Variants in XRRA1 observed in about 807,000 individuals in gnomAD.
XRRA1 encodes the protein X-ray radiation resistance-associated protein 1.
XRRA1 carries 69 observed loss-of-function variants against 80.2 expected under a neutral mutation model. The ratio of observed to expected loss-of-function variants is 0.86; its 90% CI spans 0.71 to 1.05. The LOEUF (loss-of-function observed/expected upper bound fraction) is 1.05. Among genes scored for constraint, XRRA1 ranks in the 50% least tolerant of loss-of-function variants. The pLI, the probability that XRRA1 is intolerant of heterozygous loss-of-function variation, is 0.00. For synonymous variants in XRRA1, 348 were observed against 389.9 expected (o/e 0.89, Z 1.27); for missense variants, 967 against 976.4 (o/e 0.99, Z 0.13).
intron 8 of XRRA1, among the ~76,000 whole-genome samples, chr11:74,916,028 G>A (rs1938555701): frequency 6.6e-6 from 1 of 152,064 alleles, no homozygotes; most frequent in African/African-American, 2.4e-5. Context: ...TTTCTGACAA[G>A]AAGTCTGCTG....
intron 8 of XRRA1, chr11:74,913,641 C>T (rs1042774520): frequency 6.6e-6 from 1 of 152,128 alleles, no homozygotes; most frequent in Admixed American, 6.6e-5. Context: ...CCTTTTTCCT[C>T]TTCTCTTGGG....
At position 74,936,996 on chromosome 11, in the gene XRRA1, G is replaced by C; in HGVS notation, c.167C>G (p.Ala56Gly). Residue 56 changes from alanine to glycine, a missense_variant, in exon 4 of 19, where the codon GCT becomes GGT. Ala to Gly is a moderately conservative substitution (Grantham distance 60). Coordinates refer to ENST00000684022, the MANE Select transcript of XRRA1 (RefSeq NM_001378157.1). ...KKPKGLVGAQ[A>G]ERRESLKATS... is the part of the protein sequence containing the mutation. ...CGCCTTCAGGCTTTCCCGACGTTCA[G>C]CTTGTGCTCCAACCAAACCCTTGGG... The C allele has an allele frequency of 7.4e-6, 12 of 1,613,876 alleles. No homozygotes were observed. Among genetic ancestry groups the C allele is most frequent in the Non-Finnish European group, 1.0e-5 (12 of 1,179,876 alleles).
At chr11:74,852,188 G>T in intron 12 of XRRA1, 106 bp from the exon 13 acceptor site, 1 of 909,330 alleles carries the variant, frequency 1.1e-6, no homozygotes, top group Non-Finnish European at 1.8e-6. Flanking sequence ...AGGATTGGGG[G>T]TGGTATTGGG....
chr11:74,861,569 A>C (rs1167914651), intron 11 of XRRA1, among the ~76,000 whole-genome samples: 1 of 152,214 alleles, frequency 6.6e-6, no homozygotes, highest in East Asian at 1.9e-4. Flanking sequence ...CACTGTGGTG[A>C]GTTGTATAAT....
chr11:74,921,233 T>A lies in XRRA1; in HGVS notation c.637A>T (p.Asn213Tyr). The change falls in exon 8 of 19, where the codon AAT becomes TAT. Residue 213 changes from asparagine (N) to tyrosine (Y), a missense_variant. Transcript: ENST00000684022. ...ACTTACTGTTCTGCGACGGCCAAAT[T>A]GGGCGGCAGGGAGGTAAGGCCATTG... is the stretch of plus-strand genomic sequence containing the variant. ...TGNGLTSLPP[N>Y]LAVAEQEASV... The A allele has an allele frequency of 6.2e-7, 1 of 1,613,734 alleles. No homozygotes were observed. Among genetic ancestry groups the A allele is most frequent in the East Asian group, 2.2e-5 (1 of 44,886 alleles).
intron 5 of XRRA1, 137 bp downstream of exon 5, chr11:74,933,664 C>A: frequency 1.5e-6 from 1 of 675,134 alleles, no homozygotes; most frequent in Non-Finnish European, 2.5e-6. Context: ...CCTTGTCTGA[C>A]TCTCCTCTCC....
intron 14 of XRRA1, among the ~76,000 whole-genome samples, chr11:74,848,817 C>T (rs1157198251): frequency 2.0e-5 from 3 of 152,174 alleles, no homozygotes; most frequent in African/African-American, 7.2e-5. Context: ...CATCCCTGAC[C>T]ATACGTACTC....
chr11:74,874,228 C>A (rs1381621575), intron 10 of XRRA1, among the ~76,000 whole-genome samples: 1 of 90,688 alleles, frequency 1.1e-5, no homozygotes, highest in Admixed American at 1.4e-4. Context: ...AGCAAGACTC[C>A]GTCTCAAAAA....
At chr11:74,934,349 CTTTT>C (rs1201006058) in intron 4 of XRRA1, among the ~76,000 whole-genome samples, 2 of 152,028 alleles carry the variant, frequency 1.3e-5, no homozygotes, top group Non-Finnish European at 2.9e-5. Context: ...AAACCTCATT[CTTTT>C]TTTGTTAATC....
Position 74,942,230 on chromosome 11 carries a change from T to C in XRRA1, c.-4-1348A>G, listed in dbSNP as rs371634968. 1.4e-4 allele frequency among the ~76,000 whole-genome samples: 22 copies of C among 152,156 alleles called. No individual in the cohort carries two copies. In the East Asian group the frequency reaches 3.5e-3, roughly 24 times the overall value. On this transcript the variant is annotated intron_variant, in intron 2 of 18. Coordinates refer to ENST00000684022, the MANE Select transcript of XRRA1 (RefSeq NM_001378157.1). ...AGTAAGCCAAGGGAAGAGAAAACTC[T>C]ATGAAAGAGGCAGGGAAGTCAGGCA...
chr11:74,843,596 C>A (rs2135254643), intron 18 of XRRA1, 143 bp from the exon 19 acceptor site: 1 of 1,191,798 alleles, frequency 8.4e-7, no homozygotes, highest in Non-Finnish European at 1.2e-6. Context: ...GCCTTTCCAG[C>A]TTGGGAAGTC....
chr11:74,919,808 C>G (rs1940093880), intron 8 of XRRA1: 1 of 418,116 alleles, frequency 2.4e-6, no homozygotes, highest in African/African-American at 2.1e-5. Context: ...GCTGTCTGGG[C>G]CAAAGGAATA....
At chr11:74,923,392 G>C (rs969428008) in intron 7 of XRRA1, among the ~76,000 whole-genome samples, 3 of 152,174 alleles carry the variant, frequency 2.0e-5, no homozygotes, top group African/African-American at 7.2e-5. Context: ...AATCCCACTT[G>C]GCTGGAGCAA....
intron 8 of XRRA1, among the ~76,000 whole-genome samples, chr11:74,908,532 G>C (rs2055138412): frequency 6.6e-6 from 1 of 152,192 alleles, no homozygotes; most frequent in Admixed American, 6.5e-5. Flanking sequence ...TTTCACAGGT[G>C]CATTTAGAGA....
At chr11:74,866,205 C>T (rs2136083248) in intron 10 of XRRA1, among the ~76,000 whole-genome samples, 1 of 152,260 alleles carries the variant, frequency 6.6e-6, no homozygotes, top group East Asian at 1.9e-4. Context: ...ATCTCTCAGA[C>T]AAAGAATTCA....
At chr11:74,919,827 C>T in intron 8 of XRRA1, 4 of 419,894 alleles carry the variant, frequency 9.5e-6, no homozygotes, top group Admixed American at 3.1e-5. Context: ...TAAGGAATGT[C>T]CCATGCCGAA....
At chr11:74,915,836 G>A (rs1406600616) in intron 8 of XRRA1, among the ~76,000 whole-genome samples, 1 of 152,082 alleles carries the variant, frequency 6.6e-6, no homozygotes. Context: ...CAGTATTTAC[G>A]CAGGGCGGGA....
intron 10 of XRRA1, among the ~76,000 whole-genome samples, chr11:74,870,907 T>C (rs1361241353): frequency 1.3e-5 from 2 of 152,226 alleles, no homozygotes; most frequent in African/African-American, 4.8e-5. Context: ...CTACATTCTT[T>C]TAAGGCACTT....
chr11:74,922,280 A>T (rs1237622555), intron 7 of XRRA1, among the ~76,000 whole-genome samples: 2 of 139,312 alleles, frequency 1.4e-5, no homozygotes, highest in Non-Finnish European at 3.2e-5. Flanking sequence ...AAAAAAAAAG[A>T]CAAAAGAAAT....
Sources: allele counts gnomAD v4.1 joint callset (sites outside exome capture counted in the v4.1 genomes callset), GRCh38; gene constraint gnomAD v4.1.1; transcripts MANE v1.5; gene names NCBI Gene and HGNC (gene_info 2026-07-23, HGNC 2026-07-21).